The following TCF25 variants were observed in gnomAD, a reference collection of about 807,000 sequenced individuals.
TCF25 encodes the protein TCF25 ribosome quality control complex subunit.
In TCF25, 41 loss-of-function variants were observed where a neutral mutation model predicts 83.1. That is an observed-to-expected ratio of 0.49 (90% CI 0.38 to 0.64). The LOEUF (loss-of-function observed/expected upper bound fraction) is 0.64, where lower values mean the gene tolerates loss of function less well. Ranked by LOEUF, TCF25 falls within the 30% of genes least tolerant of loss-of-function variation. The pLI, the probability that TCF25 is intolerant of heterozygous loss-of-function variation, is 0.00. For missense variants in TCF25, 979 were observed against 914.5 expected (o/e 1.07, Z -0.91); for synonymous variants, 458 against 365.0 (o/e 1.25, Z -2.90).
At position 89,873,635 on chromosome 16, in the gene TCF25, C is replaced by A; in HGVS notation, c.-33C>A. 2.7e-6 allele frequency: 4 copies of A among 1,502,428 alleles called. No homozygotes were observed. Among genetic ancestry groups the A allele is most frequent in the East Asian group, 2.6e-5 (1 of 38,244 alleles). 93.1% of individuals were successfully genotyped at this position (1,502,428 alleles called of 1,614,324 possible). ...AGCCGAGTTTTCTGCGCTTCCTTCT[C>A]CCTCTCTCCAGACGTCGTGGTCGTT... On this transcript the variant is annotated 5_prime_UTR_variant, in exon 1 of 18. Coordinates refer to ENST00000263346, the MANE Select transcript of TCF25 (RefSeq NM_014972.3).
At chr16:89,873,887 G>A (rs756538255) in intron 1 of TCF25, 28 bp downstream of exon 1, 2 of 1,498,640 alleles carry the variant, frequency 1.3e-6, no homozygotes, top group South Asian at 1.2e-5. Flanking sequence ...CCGGGTGGGG[G>A]TGGGGTGGCC....
At chr16:89,905,259 C>T (rs566033655) in intron 14 of TCF25, among the ~76,000 whole-genome samples, 163 bp downstream of exon 14, 8 of 152,262 alleles carry the variant, frequency 5.3e-5, no homozygotes, top group South Asian at 2.1e-4. Context: ...CAGCCCCTGG[C>T]GTGTCCCAGA....
At chr16:89,910,904 G>A (rs1234358224) in intron 17 of TCF25, among the ~76,000 whole-genome samples, 176 bp from the exon 18 acceptor site, 1 of 152,230 alleles carries the variant, frequency 6.6e-6, no homozygotes, top group African/African-American at 2.4e-5. Context: ...TGCCTGGCTT[G>A]GTCTAGACAC....
At chr16:89,879,208 C>G (rs567904085) in intron 1 of TCF25, among the ~76,000 whole-genome samples, 2 of 150,602 alleles carry the variant, frequency 1.3e-5, no homozygotes, top group Non-Finnish European at 2.9e-5. Context: ...TCCGTGTACA[C>G]AGATGGGCTT....
At chr16:89,874,049 G>A (rs1233481746) in intron 1 of TCF25, among the ~76,000 whole-genome samples, 190 bp downstream of exon 1, 3 of 151,666 alleles carry the variant, frequency 2.0e-5, no homozygotes, top group African/African-American at 7.3e-5. Context: ...GGTGGCGTGG[G>A]GTGAAGACGG....
chr16:89,903,167 T>C (rs1202268610), intron 12 of TCF25, among the ~76,000 whole-genome samples: 1 of 152,260 alleles, frequency 6.6e-6, no homozygotes, highest in African/African-American at 2.4e-5. Flanking sequence ...TCACAGGCTG[T>C]AGCGTCAGCA....
chr16:89,878,000 A>C (rs2042319291), intron 1 of TCF25, among the ~76,000 whole-genome samples: 1 of 152,200 alleles, frequency 6.6e-6, no homozygotes, highest in Non-Finnish European at 1.5e-5. Context: ...ATTCCAGGCT[A>C]GGGTTGGTGG....
At chr16:89,883,891 G>C (rs72477006) in intron 2 of TCF25, 17,809 of 213,280 alleles carry the variant, frequency 0.084, 1,096 homozygotes, top group East Asian at 0.24. Context: ...CTGGGTTGTG[G>C]ATCTGGGTGC....
At chr16:89,890,423 C>A (rs1239194888) in intron 5 of TCF25, 1 of 152,176 alleles carries the variant, frequency 6.6e-6, no homozygotes, top group East Asian at 1.9e-4. Context: ...CCTTCTTACT[C>A]GTAGTCGACG....
chr16:89,893,531 C>T (rs768815505), intron 6 of TCF25, among the ~76,000 whole-genome samples, 197 bp from the exon 7 acceptor site: 8 of 152,154 alleles, frequency 5.3e-5, no homozygotes, highest in South Asian at 2.1e-4. Context: ...GACGGGATGC[C>T]GTCTCCTGGT....
intron 1 of TCF25, among the ~76,000 whole-genome samples, chr16:89,882,529 T>G (rs1057053017): frequency 1.3e-5 from 2 of 151,188 alleles, no homozygotes; most frequent in African/African-American, 4.8e-5. Context: ...AGAGCGAGAC[T>G]CTGTCTCAAA....
chr16:89,907,728 T>C (rs191309577), intron 16 of TCF25, among the ~76,000 whole-genome samples: 101 of 11,188 alleles, frequency 9.0e-3, no homozygotes, highest in Middle Eastern at 0.1. Context: ...CCTCCCACCT[T>C]CCAGCTCCCG....
intron 1 of TCF25, chr16:89,878,434 A>G (rs1291710351): frequency 9.9e-7 from 1 of 1,005,712 alleles, no homozygotes; most frequent in Non-Finnish European, 1.2e-6. Context: ...AAAAATCACC[A>G]TTTTTTTTTT....
intron 5 of TCF25, among the ~76,000 whole-genome samples, chr16:89,888,914 T>G (rs1218401913): frequency 6.7e-6 from 1 of 149,038 alleles, no homozygotes; most frequent in Non-Finnish European, 1.5e-5. Flanking sequence ...CTCGAACTCC[T>G]GACCTCAGGT....
intron 11 of TCF25, among the ~76,000 whole-genome samples, chr16:89,900,288 G>T (rs79008417): frequency 6.6e-6 from 1 of 151,998 alleles, no homozygotes; most frequent in South Asian, 2.1e-4. Context: ...ACTCGCGCGG[G>T]GGTGGGCTGC....
At chr16:89,904,886 G>T in intron 13 of TCF25, 52 bp from the exon 14 acceptor site, 1 of 1,568,320 alleles carries the variant, frequency 6.4e-7, no homozygotes, top group Non-Finnish European at 8.6e-7. Flanking sequence ...CAGCCTCGAG[G>T]CAGGCTGTGG....
intron 17 of TCF25, 141 bp from the exon 18 acceptor site, chr16:89,910,939 C>T: frequency 8.2e-7 from 1 of 1,226,456 alleles, no homozygotes; most frequent in Admixed American, 2.6e-5. Flanking sequence ...AGAGCTTCCT[C>T]CTCACAGGGA....
intron 1 of TCF25, chr16:89,878,457 T>A (rs1188880850): frequency 8.1e-7 from 1 of 1,233,174 alleles, no homozygotes; most frequent in Admixed American, 3.2e-5. Context: ...TTTTTTTTTT[T>A]TAGGAAAAAT....
intron 4 of TCF25, among the ~76,000 whole-genome samples, chr16:89,887,181 G>A (rs897796869): frequency 3.3e-5 from 5 of 151,982 alleles, no homozygotes; most frequent in African/African-American, 9.7e-5. Context: ...TTACAGGTGT[G>A]AACCACCACG....
Sources: allele counts gnomAD v4.1 joint callset (sites outside exome capture counted in the v4.1 genomes callset), GRCh38; gene constraint gnomAD v4.1.1; transcripts MANE v1.5; gene names NCBI Gene and HGNC (gene_info 2026-07-23, HGNC 2026-07-21).